ADGRL3: variants seen among roughly 807,000 people sequenced by gnomAD.
ADGRL3 encodes adhesion G protein-coupled receptor L3.
A neutral mutation model predicts 153.5 loss-of-function variants in ADGRL3; 62 were observed. That is an observed-to-expected ratio of 0.40 (90% confidence interval 0.33 to 0.50). The LOEUF (loss-of-function observed/expected upper bound fraction) is 0.50, where lower values mean the gene tolerates loss of function less well. Ranked by LOEUF, ADGRL3 falls within the 20% of genes least tolerant of loss-of-function variation. The probability of loss-of-function intolerance (pLI) is 0.47; values close to 1 mark genes in which losing one functional copy is unlikely to be tolerated. For synonymous variants in ADGRL3, 710 were observed against 672.5 expected (o/e 1.06, Z -0.86); for missense variants, 1,641 against 1,859.4 (o/e 0.88, Z 2.16).
intron 8 of ADGRL3, among the ~76,000 whole-genome samples, chr4:61,770,562 A>G (rs2152302158): frequency 6.6e-6 from 1 of 152,304 alleles, no homozygotes; most frequent in African/African-American, 2.4e-5. Flanking sequence ...GACTTTTTAA[A>G]GTATCTGCAA....
chr4:61,578,459 C>A (rs972944011), intron 4 of ADGRL3, among the ~76,000 whole-genome samples: 3 of 152,056 alleles, frequency 2.0e-5, no homozygotes, highest in African/African-American at 7.2e-5. Flanking sequence ...TCCTTTAACC[C>A]TAATCTGTTT....
chr4:61,260,659 C>T (rs949586554), intron 1 of ADGRL3, among the ~76,000 whole-genome samples: 6 of 152,150 alleles, frequency 3.9e-5, no homozygotes, highest in Non-Finnish European at 8.8e-5. Context: ...TTGACCGTCA[C>T]TTGAATTAAG....
chr4:61,725,251 G>A (rs760821953), intron 6 of ADGRL3, among the ~76,000 whole-genome samples: 4 of 152,192 alleles, frequency 2.6e-5, no homozygotes, highest in Non-Finnish European at 1.5e-5. Flanking sequence ...ATTAGCCATA[G>A]AGCCATGGTA....
chr4:61,326,212 T>C (rs1049987479), intron 1 of ADGRL3, among the ~76,000 whole-genome samples: 1 of 152,094 alleles, frequency 6.6e-6, no homozygotes, highest in Non-Finnish European at 1.5e-5. Context: ...TCTTGAGTAG[T>C]TACTATTTAC....
intron 1 of ADGRL3, among the ~76,000 whole-genome samples, chr4:61,254,842 T>C (rs1057409907): frequency 5.9e-5 from 9 of 152,300 alleles, no homozygotes; most frequent in Admixed American, 2.6e-4. Context: ...TCCTTGTGGA[T>C]CACCTCAGAA....
At chr4:61,407,033 T>A (rs189374153) in intron 2 of ADGRL3, among the ~76,000 whole-genome samples, 11 of 152,212 alleles carry the variant, frequency 7.2e-5, no homozygotes, top group African/African-American at 2.4e-4. Context: ...ATAGGTCTTA[T>A]TGCATTCCTA....
intron 8 of ADGRL3, among the ~76,000 whole-genome samples, chr4:61,747,326 G>C (rs1213198657): frequency 3.3e-5 from 5 of 151,270 alleles, no homozygotes; most frequent in African/African-American, 9.8e-5. Flanking sequence ...CCAATCAATA[G>C]AAAAAGAGGG....
chr4:61,750,209 G>T (rs912963877), intron 8 of ADGRL3, among the ~76,000 whole-genome samples: 1 of 136,724 alleles, frequency 7.3e-6, no homozygotes. Context: ...AAAAAAAAAG[G>T]CAGTATTCCC....
At chr4:61,745,410 G>A (rs2096643113) in intron 8 of ADGRL3, among the ~76,000 whole-genome samples, 1 of 152,126 alleles carries the variant, frequency 6.6e-6, no homozygotes, top group African/African-American at 2.4e-5. Flanking sequence ...ATAATTGTCA[G>A]ATTCACCAAA....
Position 62,007,397 on chromosome 4 carries a change from T to C in ADGRL3, c.3395+9132T>C, listed in dbSNP as rs71611606. 1.9e-3 allele frequency among the ~76,000 whole-genome samples: 176 copies of C among 93,844 alleles called. 6 individuals are homozygous for C. The highest frequency in any genetic ancestry group is 5.9e-3 in the African/African-American group (144 of 24,452). The allele number at this position is 93,844 out of a possible 152,430, so 61.6% of individuals were successfully genotyped here. On this transcript the variant is annotated intron_variant, in intron 21 of 26. Transcript: ENST00000683033. ...ATATATATATATACACACACACACATATATATATACACGTATATATATATA... is the reference window on the plus strand; with the variant it reads ...ATATATATATATACACACACACACACATATATATACACGTATATATATATA...
intron 1 of ADGRL3, among the ~76,000 whole-genome samples, chr4:61,221,465 ATAG>A (rs1287002201): frequency 6.6e-6 from 1 of 152,154 alleles, no homozygotes; most frequent in African/African-American, 2.4e-5. Flanking sequence ...TTCTCTAATT[ATAG>A]TATTCAAAAG....
At chr4:61,231,525 A>G (rs1161997108) in intron 1 of ADGRL3, among the ~76,000 whole-genome samples, 2 of 152,074 alleles carry the variant, frequency 1.3e-5, no homozygotes, top group African/African-American at 4.8e-5. Context: ...TTATTTCTAC[A>G]TCTCCATCCT....
chr4:62,006,005 T>C (rs371756523), intron 21 of ADGRL3, among the ~76,000 whole-genome samples: 3,183 of 41,168 alleles, frequency 0.077, 63 homozygotes, highest in East Asian at 0.21. Context: ...CACACACACA[T>C]ATATATATAT....
chr4:61,461,851 T>G (rs1288444279), intron 2 of ADGRL3, among the ~76,000 whole-genome samples: 1 of 152,164 alleles, frequency 6.6e-6, no homozygotes, highest in Non-Finnish European at 1.5e-5. Flanking sequence ...GTCCCATGCC[T>G]CTTAGCTGGA....
chr4:61,965,367 C>G (rs1380361217), intron 17 of ADGRL3, among the ~76,000 whole-genome samples: 5 of 152,052 alleles, frequency 3.3e-5, no homozygotes, highest in African/African-American at 1.2e-4. Flanking sequence ...CTACTAGACT[C>G]TACTGGAATT....
At chr4:61,778,226 G>T (rs2097175090) in intron 8 of ADGRL3, among the ~76,000 whole-genome samples, 1 of 152,150 alleles carries the variant, frequency 6.6e-6, no homozygotes, top group South Asian at 2.1e-4. Flanking sequence ...CCATCCCCAA[G>T]ATATCTCAAA....
intron 6 of ADGRL3, among the ~76,000 whole-genome samples, chr4:61,700,440 G>A (rs1332971474): frequency 6.6e-6 from 1 of 152,100 alleles, no homozygotes; most frequent in Non-Finnish European, 1.5e-5. Flanking sequence ...ATTACAAAAC[G>A]GTTTTATAGA....
chr4:61,887,825 C>G (rs2098548372), intron 9 of ADGRL3, among the ~76,000 whole-genome samples: 1 of 151,914 alleles, frequency 6.6e-6, no homozygotes, highest in Non-Finnish European at 1.5e-5. Flanking sequence ...AGCTTGGCAA[C>G]AGAGTGAGAT....
chr4:61,648,349 C>CTTT (rs34166403), intron 5 of ADGRL3, among the ~76,000 whole-genome samples: 1,767 of 99,454 alleles, frequency 0.018, 38 homozygotes, highest in Non-Finnish European at 0.024. Context: ...ATGAAATCGG[C>CTTT]TTTTTTTTTT....
Sources: allele counts gnomAD v4.1 joint callset (sites outside exome capture counted in the v4.1 genomes callset), GRCh38; gene constraint gnomAD v4.1.1; transcripts MANE v1.5; gene names NCBI Gene and HGNC (gene_info 2026-07-23, HGNC 2026-07-21).